Variants in MACROD2 observed in about 807,000 individuals in gnomAD.
MACROD2 encodes mono-ADP ribosylhydrolase 2, also known as ADP-ribose glycohydrolase MACROD2.
A neutral mutation model predicts 70.4 loss-of-function variants in MACROD2; 36 were observed. The ratio of observed to expected loss-of-function variants is 0.51; its 90% confidence interval spans 0.39 to 0.68. MACROD2 has a LOEUF of 0.68. Ranked by LOEUF, MACROD2 falls within the 30% of genes least tolerant of loss-of-function variation. The probability of loss-of-function intolerance (pLI) is 0.00; values close to 1 mark genes in which losing one functional copy is unlikely to be tolerated. For synonymous variants in MACROD2, 172 were observed against 178.8 expected (o/e 0.96, Z 0.30); for missense variants, 496 against 538.4 (o/e 0.92, Z 0.78).
intron 3 of MACROD2, among the ~76,000 whole-genome samples, chr20:14,097,754 T>G (rs1396151079): frequency 6.6e-6 from 1 of 152,218 alleles, no homozygotes; most frequent in Non-Finnish European, 1.5e-5. Context: ...ATATACATAA[T>G]GAGAAATCTT....
intron 4 of MACROD2, among the ~76,000 whole-genome samples, chr20:14,635,756 G>T (rs1984753850): frequency 6.6e-6 from 1 of 152,038 alleles, no homozygotes; most frequent in African/African-American, 2.4e-5. Flanking sequence ...ACAACTATTA[G>T]ACAAATAATG....
chr20:15,097,586 T>A (rs1432315260), intron 5 of MACROD2, among the ~76,000 whole-genome samples: 3 of 152,172 alleles, frequency 2.0e-5, no homozygotes, highest in African/African-American at 7.2e-5. Flanking sequence ...ATGTCATAAG[T>A]GAACAATACA....
At chr20:15,959,884 G>A (rs1353883975) in intron 12 of MACROD2, among the ~76,000 whole-genome samples, 1 of 152,122 alleles carries the variant, frequency 6.6e-6, no homozygotes, top group Non-Finnish European at 1.5e-5. Context: ...AATGTTTAAA[G>A]TACATATACA....
chr20:15,057,203 A>AG (rs1455327983), intron 5 of MACROD2, among the ~76,000 whole-genome samples: 1 of 152,230 alleles, frequency 6.6e-6, no homozygotes. Context: ...ATTTTATTAA[A>AG]GTAACTTTTC....
intron 3 of MACROD2, among the ~76,000 whole-genome samples, chr20:14,123,747 G>A (rs1425504287): frequency 6.6e-6 from 1 of 152,144 alleles, no homozygotes; most frequent in African/African-American, 2.4e-5. Flanking sequence ...CAGGTTTAAT[G>A]CTTAGGCAAG....
At chr20:14,124,785 C>T (rs1365721968) in intron 3 of MACROD2, among the ~76,000 whole-genome samples, 2 of 152,124 alleles carry the variant, frequency 1.3e-5, no homozygotes, top group African/African-American at 2.4e-5. Flanking sequence ...ATGACCCAGC[C>T]ATTCCACTCC....
intron 3 of MACROD2, among the ~76,000 whole-genome samples, chr20:14,086,653 G>T (rs1381811350): frequency 6.6e-6 from 1 of 152,184 alleles, no homozygotes. Flanking sequence ...AAGTTCAGGG[G>T]TTTTGAGGAA....
intron 4 of MACROD2, among the ~76,000 whole-genome samples, chr20:14,542,168 C>T (rs1034554378): frequency 6.6e-6 from 1 of 152,188 alleles, no homozygotes; most frequent in Non-Finnish European, 1.5e-5. Context: ...TGACCGCAGT[C>T]GCCATCACAC....
At chr20:15,887,621 G>C (rs2064838276) in intron 10 of MACROD2, among the ~76,000 whole-genome samples, 2 of 152,096 alleles carry the variant, frequency 1.3e-5, no homozygotes, top group Admixed American at 6.6e-5. Context: ...GAATTGGTTG[G>C]TTAATACCCA....
At chr20:14,683,601 A>G (rs1241531066) in intron 4 of MACROD2, among the ~76,000 whole-genome samples, 1 of 152,214 alleles carries the variant, frequency 6.6e-6, no homozygotes. Flanking sequence ...TTGTGAGGCC[A>G]AAAGTGATGC....
chr20:14,953,452 G>T (rs898412525), intron 5 of MACROD2, among the ~76,000 whole-genome samples: 1 of 151,968 alleles, frequency 6.6e-6, no homozygotes, highest in African/African-American at 2.4e-5. Flanking sequence ...GACTACAGGC[G>T]CCTGCCACCA....
chr20:15,909,177 T>C (rs2065194738), intron 10 of MACROD2, among the ~76,000 whole-genome samples: 1 of 152,224 alleles, frequency 6.6e-6, no homozygotes, highest in Admixed American at 6.5e-5. Flanking sequence ...TGGAGCTCTT[T>C]GGGCATCTCT....
At chr20:14,147,466 T>G (rs1226362352) in intron 3 of MACROD2, among the ~76,000 whole-genome samples, 1 of 152,198 alleles carries the variant, frequency 6.6e-6, no homozygotes, top group African/African-American at 2.4e-5. Context: ...CTCCTAATGT[T>G]AACTATCATC....
intron 3 of MACROD2, among the ~76,000 whole-genome samples, chr20:14,310,408 C>G (rs375738620): frequency 6.6e-6 from 1 of 152,028 alleles, no homozygotes; most frequent in African/African-American, 2.4e-5. Flanking sequence ...CAATCATGGT[C>G]CCATAAGATT....
intron 2 of MACROD2, among the ~76,000 whole-genome samples, chr20:14,032,512 C>T (rs914951517): frequency 7.9e-5 from 12 of 152,108 alleles, no homozygotes; most frequent in African/African-American, 2.4e-4. Flanking sequence ...AGACTAGTAA[C>T]GCCTTGCTGT....
intron 8 of MACROD2, among the ~76,000 whole-genome samples, chr20:15,828,026 A>G (rs1217646107): frequency 1.3e-5 from 2 of 152,226 alleles, no homozygotes; most frequent in African/African-American, 4.8e-5. Context: ...ACAATGCTTC[A>G]GTTAGACAGG....
chr20:15,148,630 C>T (rs529516859), intron 5 of MACROD2, among the ~76,000 whole-genome samples: 9 of 151,926 alleles, frequency 5.9e-5, no homozygotes, highest in East Asian at 1.9e-4. Flanking sequence ...TTTTTTGGGG[C>T]GCAGTCCAAG....
chr20:15,132,580 T>C (rs1232108987), intron 5 of MACROD2, among the ~76,000 whole-genome samples: 3 of 151,848 alleles, frequency 2.0e-5, no homozygotes, highest in African/African-American at 7.2e-5. Context: ...CTGGCCAATA[T>C]ATAATAAAAC....
intron 10 of MACROD2, among the ~76,000 whole-genome samples, chr20:15,898,047 G>T (rs1601084169): frequency 6.6e-6 from 1 of 152,100 alleles, no homozygotes; most frequent in African/African-American, 2.4e-5. Context: ...GTTGGCTAAT[G>T]GTCCTTAAAC....
Sources: allele counts gnomAD v4.1 joint callset (sites outside exome capture counted in the v4.1 genomes callset), GRCh38; gene constraint gnomAD v4.1.1; transcripts MANE v1.5; gene names NCBI Gene and HGNC (gene_info 2026-07-23, HGNC 2026-07-21).